CRTC1: variants seen among roughly 807,000 people sequenced by gnomAD.
CRTC1 encodes CREB-regulated transcription coactivator 1.
A neutral mutation model predicts 66.1 loss-of-function variants in CRTC1; 18 were observed. The ratio of observed to expected loss-of-function variants is 0.27; its 90% CI spans 0.19 to 0.40. CRTC1 has a LOEUF of 0.40. Ranked by LOEUF, CRTC1 falls within the 10% of genes least tolerant of loss-of-function variation. CRTC1 has a pLI of 1.00. For missense variants in CRTC1, 669 were observed against 887.9 expected, an observed-to-expected ratio of 0.75 and a Z score of 3.13; for synonymous variants, 416 against 398.8, an observed-to-expected ratio of 1.04 and a Z score of -0.51.
chr19:18,698,951 A>G (rs1036143777), intron 1 of CRTC1, among the ~76,000 whole-genome samples: 2 of 151,636 alleles, frequency 1.3e-5, no homozygotes, highest in Non-Finnish European at 2.9e-5. Context: ...CAGCAGGTGC[A>G]TAATGTGTAT....
chr19:18,738,070 A>G (rs1174893634), intron 1 of CRTC1, among the ~76,000 whole-genome samples: 1 of 152,184 alleles, frequency 6.6e-6, no homozygotes, highest in East Asian at 1.9e-4. Flanking sequence ...CTCTAATCCC[A>G]GCACTTTGGG....
chr19:18,740,252 TAAA>T (rs56087710), intron 1 of CRTC1, among the ~76,000 whole-genome samples: 1 of 139,998 alleles, frequency 7.1e-6, no homozygotes, highest in Non-Finnish European at 1.6e-5. Context: ...GACTCCATCT[TAAA>T]AAAAAAAAAA....
At chr19:18,704,295 C>T (rs1183760336) in intron 1 of CRTC1, among the ~76,000 whole-genome samples, 4 of 152,002 alleles carry the variant, frequency 2.6e-5, no homozygotes, top group Non-Finnish European at 5.9e-5. Flanking sequence ...TTTGTAGAGA[C>T]GGGGGTCTTG....
Position 18,771,249 on chromosome 19 carries a change from C to T in CRTC1, c.1321-193C>T, listed in dbSNP as rs967321682. Among the ~76,000 whole-genome samples, 10 of 146 alleles carry T rather than the reference C, an allele frequency of 0.068. No homozygotes were observed. The highest frequency in any genetic ancestry group is 0.25 in the South Asian group (1 of 4). 0.1% of individuals were successfully genotyped at this position (146 alleles called of 152,430 possible). On this transcript the variant is annotated intron_variant, in intron 10 of 13. Coordinates refer to ENST00000321949, the MANE Select transcript of CRTC1 (RefSeq NM_015321.3). The surrounding 1 kb of genome is among the most constrained non-coding windows in gnomAD (Gnocchi z 4.6). ...CTTCCTGGGTTCGGGGGCAGCTCCC[C>T]GGAGGCTCAGGTACCCACCTTTCCT...
chr19:18,746,868 A>G (rs543302393), intron 3 of CRTC1, among the ~76,000 whole-genome samples, 185 bp from the exon 4 acceptor site: 42 of 152,168 alleles, frequency 2.8e-4, no homozygotes, highest in Non-Finnish European at 5.3e-4. Context: ...AGCCCCTGGA[A>G]CGGGGGCTGC....
intron 1 of CRTC1, among the ~76,000 whole-genome samples, chr19:18,684,703 G>C (rs1341945143): frequency 6.6e-6 from 1 of 152,178 alleles, no homozygotes; most frequent in Admixed American, 6.5e-5. Context: ...TGGAGGGCCA[G>C]GTCTGCCTCA....
chr19:18,767,183 T>G (rs2054755101), intron 9 of CRTC1, among the ~76,000 whole-genome samples: 1 of 152,106 alleles, frequency 6.6e-6, no homozygotes, highest in African/African-American at 2.4e-5. Context: ...TTTAAAATTT[T>G]TTTATTTTTT....
rs2054784931 is a variant in CRTC1 at position 18,768,495 on chromosome 19, T to C, written c.1022T>C (p.Met341Thr). The stretch of plus-strand genomic sequence containing the variant: ...TCTCCTCTCCTGCAGGCTGTAGCCA[T>C]GGACGCCCTGTCTCTGGAGCAGCAG... ...PLSPITQAVA[M>T]DALSLEQQLP... Residue 341 changes from methionine (M) to threonine (T), a missense_variant, in exon 10 of 14, where the codon ATG becomes ACG. Coordinates refer to ENST00000321949, the MANE Select transcript of CRTC1 (RefSeq NM_015321.3). This position sits in a 1 kb window ranked among gnomAD's most constrained non-coding sequence, Gnocchi z 5.6. 3 of 1,609,402 alleles carry C rather than the reference T, an allele frequency of 1.9e-6. No individual in the cohort carries two copies. Among genetic ancestry groups the C allele is most frequent in the African/African-American group, 1.3e-5 (1 of 74,656 alleles).
At chr19:18,742,427 G>A (rs1458268294) in intron 1 of CRTC1, among the ~76,000 whole-genome samples, 2 of 152,194 alleles carry the variant, frequency 1.3e-5, no homozygotes, top group Non-Finnish European at 2.9e-5. Context: ...CTGCCGTCGG[G>A]ATCACAAGTC....
At chr19:18,735,962 T>TG (rs2053987504) in intron 1 of CRTC1, among the ~76,000 whole-genome samples, 1 of 152,134 alleles carries the variant, frequency 6.6e-6, no homozygotes, top group South Asian at 2.1e-4. Context: ...GGCAGACTCT[T>TG]GCCTTGAGTC....
chr19:18,742,164 T>G lies in CRTC1; in HGVS notation c.127-746T>G, dbSNP rs2054126000. Among the ~76,000 whole-genome samples the G allele has an allele frequency of 2.0e-5, 3 of 152,166 alleles. No individual in the cohort carries two copies. The South Asian group carries it at 6.2e-4, about 32-fold the overall frequency. ...TACTGGCAAATCAGCATCAGCCACA[T>G]GAAGGGGAGGAGGCCAGCTTCCAGC... On this transcript the variant is annotated intron_variant, in intron 1 of 13. Transcript: ENST00000321949.
In CRTC1 at chr19:18,777,404, C is replaced by G. The variant is rs771118677; in HGVS notation, c.*22C>G. ...GTGAGCGGGCACGCCGGCACCCTGC[C>G]GCTCAGCCGTCCCGACGGCGCCTCC... On this transcript the variant is annotated 3_prime_UTR_variant, in exon 14 of 14. Transcript: ENST00000321949. The surrounding 1 kb of genome is among the most constrained non-coding windows in gnomAD (Gnocchi z 5.5). 2 of 1,596,130 alleles carry G rather than the reference C, an allele frequency of 1.3e-6. No individual in the cohort carries two copies. The highest frequency in any genetic ancestry group is 1.3e-5 in the African/African-American group (1 of 74,932).
At chr19:18,692,455 G>A (rs1368113807) in intron 1 of CRTC1, among the ~76,000 whole-genome samples, 1 of 152,130 alleles carries the variant, frequency 6.6e-6, no homozygotes, top group Non-Finnish European at 1.5e-5. Flanking sequence ...ACAAAAATTA[G>A]CTGGGCATGG....
chr19:18,716,842 G>A (rs1336299825), intron 1 of CRTC1, among the ~76,000 whole-genome samples: 3 of 152,158 alleles, frequency 2.0e-5, no homozygotes, highest in African/African-American at 7.2e-5. Flanking sequence ...CAGAAGAGGC[G>A]AGAGGGCAGA....
intron 1 of CRTC1, among the ~76,000 whole-genome samples, chr19:18,711,687 G>A (rs971331207): frequency 2.0e-5 from 3 of 152,210 alleles, no homozygotes; most frequent in East Asian, 1.9e-4. Flanking sequence ...GGTGGGTGCC[G>A]GGCAGTTCCG....
chr19:18,774,956 G>T lies in CRTC1; in HGVS notation c.1482G>T (p.Ala494=). 1 of 1,607,998 alleles carries T rather than the reference G, an allele frequency of 6.2e-7. No homozygotes were observed. Residue 494 remains alanine (A), a synonymous_variant, in exon 12 of 14, where the codon GCG becomes GCT. Transcript: ENST00000321949. Reference sequence around the variant, plus strand: ...ACGCGTACTATGAGCAGCAGATGGCGGCCAGGCAGGCCAATGCTCTGTCCC... The same window carrying T: ...ACGCGTACTATGAGCAGCAGATGGCTGCCAGGCAGGCCAATGCTCTGTCCC... ...FGDAYYEQQM[A]ARQANALSHQ... is the part of the protein sequence containing the mutation.
At chr19:18,732,799 A>G (rs916682763) in intron 1 of CRTC1, among the ~76,000 whole-genome samples, 2 of 152,114 alleles carry the variant, frequency 1.3e-5, no homozygotes, top group Non-Finnish European at 2.9e-5. Context: ...CTTTCAGAAT[A>G]ACTACAGGAG....
intron 7 of CRTC1, 137 bp downstream of exon 7, chr19:18,759,728 C>A (rs2054570747): frequency 1.1e-6 from 1 of 946,280 alleles, no homozygotes; most frequent in South Asian, 1.6e-5. Context: ...AGTGACAGAG[C>A]CCCCACATGC....
intron 1 of CRTC1, among the ~76,000 whole-genome samples, chr19:18,734,098 G>A (rs1306591485): frequency 6.6e-6 from 1 of 150,862 alleles, no homozygotes; most frequent in Non-Finnish European, 1.5e-5. Flanking sequence ...GTGAGACTCC[G>A]TCTCAAAAAA....
Sources: gnomAD v4.1 joint callset for allele counts (sites outside exome capture counted in the v4.1 genomes callset) on GRCh38, gnomAD v4.1.1 for gene constraint, Gnocchi (gnomAD v3.1) non-coding constraint, MANE v1.5 for transcripts, NCBI Gene and HGNC (gene_info 2026-07-23, HGNC 2026-07-21) for gene names.